Variants in ZNF714 observed in about 807,000 individuals in gnomAD.
ZNF714 encodes zinc finger protein 714.
In ZNF714, 32 loss-of-function variants were observed where a neutral mutation model predicts 46.2. The observed-to-expected ratio is 0.69, with a 90% CI of 0.52 to 0.93. The LOEUF is 0.93. ZNF714 is among the 40% of genes least tolerant of loss of function. ZNF714 has a pLI of 0.00. For missense variants in ZNF714, 635 were observed against 646.3 expected, an observed-to-expected ratio of 0.98 and a Z score of 0.19; for synonymous variants, 199 against 213.1, an observed-to-expected ratio of 0.93 and a Z score of 0.58.
rs1181482771 is a variant in ZNF714 at position 21,120,816 on chromosome 19, TTCTG to T, written c.*2486_*2489del. ...CCGCAAATAAGTTAAAGAATATTGTTTCTGTAGGTTAAATTTTTATTTTGTTTTT... is the reference window on the plus strand; with the variant it reads ...CCGCAAATAAGTTAAAGAATATTGTTTAGGTTAAATTTTTATTTTGTTTTT... On this transcript the variant is annotated 3_prime_UTR_variant, in exon 5 of 5. Coordinates refer to ENST00000456283, the MANE Select transcript of ZNF714 (RefSeq NM_182515.4). The T allele has an allele frequency of 6.6e-6, 1 of 152,188 alleles. No individual in the cohort carries two copies. Among genetic ancestry groups the T allele is most frequent in the Non-Finnish European group, 1.5e-5 (1 of 68,032 alleles). 9.4% of individuals were successfully genotyped at this position (152,188 alleles called of 1,614,324 possible).
intron 2 of ZNF714, among the ~76,000 whole-genome samples, chr19:21,087,414 A>G (rs1284189724): frequency 6.6e-6 from 1 of 152,124 alleles, no homozygotes; most frequent in East Asian, 1.9e-4. Context: ...ATAGTCAAAC[A>G]TGATTTCACA....
rs1166633166 is a variant in ZNF714, at chr19:21,116,829, A to G, written c.165A>G (p.Arg55=). The G allele has an allele frequency of 1.9e-6, 3 of 1,597,324 alleles. No individual in the cohort carries two copies. The highest frequency in any genetic ancestry group is 2.6e-6 in the Non-Finnish European group (3 of 1,175,158). ...ESPAMCSSFT[R]DLWPEQDIKD... ...CAGCTATGTGTTCTTCTTTTACCAG[A>G]GACCTTTGGCCAGAGCAAGACATAA... Residue 55 remains arginine, a synonymous_variant, in exon 5 of 5, where the codon AGA becomes AGG. Transcript: ENST00000456283.
chr19:21,090,335 A>AT (rs993647139), intron 2 of ZNF714, among the ~76,000 whole-genome samples: 5 of 152,142 alleles, frequency 3.3e-5, no homozygotes, highest in African/African-American at 7.2e-5. Context: ...GGTAGGAAAG[A>AT]TTTTTTCCAG....
chr19:21,093,728 G>A (rs1169569278), intron 2 of ZNF714, among the ~76,000 whole-genome samples: 1 of 151,960 alleles, frequency 6.6e-6, no homozygotes, highest in East Asian at 1.9e-4. Context: ...CAACCTTCCA[G>A]GCTCAAGGCA....
rs773438254 is a variant in ZNF714 at position 21,117,682 on chromosome 19, C to A, written c.1018C>A (p.Pro340Thr). The A allele has an allele frequency of 4.1e-5, 66 of 1,613,280 alleles. No homozygotes were observed. Among genetic ancestry groups the A allele is most frequent in the Non-Finnish European group, 5.5e-5 (65 of 1,179,694 alleles). Residue 340 changes from proline (P) to threonine (T), a missense_variant, in exon 5 of 5, where the codon CCC (proline) becomes ACC (threonine). By Grantham distance (38) the Pro-to-Thr change is conservative. Transcript: ENST00000456283. ...TAAAAGAATTCATACTGGAGAGAAA[C>A]CCTACAAATGTGAAGAATGTGGCAA... is the stretch of plus-strand genomic sequence containing the variant. Reference protein sequence around the residue: ...KHKRIHTGEKPYKCEECGKAF... With the variant: ...KHKRIHTGEKTYKCEECGKAF...
At chr19:21,087,222 CAAAAAAAAAAAAA>C (rs57295093) in intron 2 of ZNF714, among the ~76,000 whole-genome samples, 1 of 92,168 alleles carries the variant, frequency 1.1e-5, no homozygotes, top group Non-Finnish European at 2.0e-5. Flanking sequence ...GCAGTCTCAG[CAAAAAAAAAAAAA>C]AAAAAAAAAA....
chr19:21,099,937 C>T (rs1969134881), intron 4 of ZNF714, among the ~76,000 whole-genome samples: 1 of 152,126 alleles, frequency 6.6e-6, no homozygotes, highest in Non-Finnish European at 1.5e-5. Context: ...CTCACTGCAA[C>T]CTCCACTTTC....
chr19:21,117,475 G>GC lies in ZNF714; in HGVS notation c.814dup (p.Leu272ProfsTer5), dbSNP rs1404403201. On this transcript the variant is annotated frameshift_variant, in exon 5 of 5. Coordinates refer to ENST00000456283, the MANE Select transcript of ZNF714 (RefSeq NM_182515.4). LOFTEE classifies it high-confidence loss of function. The stretch of plus-strand genomic sequence containing the variant: ...TGGTAAAGCTTTTAACCACCCTTCA[G>GC]CCCTTACTACACATAAGTTCATTCA... 6.2e-7 allele frequency: 1 copy of GC among 1,607,398 alleles called. No individual in the cohort carries two copies. The highest frequency in any genetic ancestry group is 8.5e-7 in the Non-Finnish European group (1 of 1,177,146).
In ZNF714 at chr19:21,120,770, T is replaced by TA. The variant is rs200383268; in HGVS notation, c.*2438_*2439insA. The TA allele has an allele frequency of 1.9e-4, 29 of 151,898 alleles. 1 individual carries two copies. In the East Asian group the frequency reaches 5.6e-3, roughly 30 times the overall value. 9.4% of individuals were successfully genotyped at this position (151,898 alleles called of 1,614,324 possible). A position where few individuals can be genotyped will look rare whatever the true frequency, so the allele number is the denominator to read the frequency against. On this transcript the variant is annotated 3_prime_UTR_variant, in exon 5 of 5. Transcript: ENST00000456283. ...TAATGGATTAACATCTCTAGTAATT[T>TA]TTTTTGCCAGTGGCTTTAAACCGCA...
intron 4 of ZNF714, among the ~76,000 whole-genome samples, chr19:21,108,935 C>T (rs551368154): frequency 1.3e-5 from 2 of 152,248 alleles, no homozygotes; most frequent in East Asian, 3.9e-4. Context: ...TATACAGACA[C>T]ATATACATAT....
chr19:21,102,544 A>AT (rs1256635913), intron 4 of ZNF714, among the ~76,000 whole-genome samples: 1 of 152,206 alleles, frequency 6.6e-6, no homozygotes, highest in African/African-American at 2.4e-5. Flanking sequence ...CAGCAGTTTC[A>AT]TTTTGTGTAA....
intron 2 of ZNF714, among the ~76,000 whole-genome samples, chr19:21,087,968 G>C (rs1472012893): frequency 1.3e-5 from 2 of 152,116 alleles, no homozygotes; most frequent in Admixed American, 6.5e-5. Flanking sequence ...GAAACCCTTG[G>C]TAAGTAAAGG....
chr19:21,116,334 A>C (rs1469243962), intron 4 of ZNF714, among the ~76,000 whole-genome samples: 1 of 152,164 alleles, frequency 6.6e-6, no homozygotes, highest in Non-Finnish European at 1.5e-5. Context: ...CCCAAACTAT[A>C]ACTCCAAAAT....
intron 2 of ZNF714, among the ~76,000 whole-genome samples, 200 bp downstream of exon 2, chr19:21,084,269 A>G (rs528020978): frequency 6.6e-6 from 1 of 152,270 alleles, no homozygotes; most frequent in South Asian, 2.1e-4. Context: ...AAAAAACACA[A>G]AAAACCTGAC....
chr19:21,097,076 C>T (rs1056079710), intron 2 of ZNF714, among the ~76,000 whole-genome samples: 2 of 151,998 alleles, frequency 1.3e-5, no homozygotes, highest in East Asian at 1.9e-4. Context: ...CTGTGTTAGC[C>T]AGGATGGTCT....
intron 1 of ZNF714, 114 bp downstream of exon 1, chr19:21,082,462 C>A: frequency 9.3e-7 from 1 of 1,071,090 alleles, no homozygotes; most frequent in Non-Finnish European, 1.3e-6. Flanking sequence ...AATCTGCGCC[C>A]GGAGTTCTCC....
rs1969101729 is a variant in ZNF714, at chr19:21,098,815, G to A, written c.47G>A (p.Gly16Asp). 6.2e-7 allele frequency: 1 copy of A among 1,606,636 alleles called. No homozygotes were observed. Among genetic ancestry groups the A allele is most frequent in the South Asian group, 1.1e-5 (1 of 90,296 alleles). ...ENYKNLVFLAGIAVSKQDPIT... is the reference protein window; with the variant it reads ...ENYKNLVFLADIAVSKQDPIT... ...ATGCTATTTACTTTTAATAAAGCAGGTATTGCTGTCTCTAAGCAAGACCCG... is the reference window on the plus strand; with the variant it reads ...ATGCTATTTACTTTTAATAAAGCAGATATTGCTGTCTCTAAGCAAGACCCG... Residue 16 changes from glycine to aspartate, a missense_variant, in exon 4 of 5, where the codon GGT becomes GAT. Gly to Asp is a moderately conservative substitution (Grantham distance 94). Transcript: ENST00000456283.
At chr19:21,114,548 C>T (rs546978736) in intron 4 of ZNF714, among the ~76,000 whole-genome samples, 31 of 151,894 alleles carry the variant, frequency 2.0e-4, no homozygotes, top group African/African-American at 7.2e-4. Context: ...TCTTTTCATG[C>T]GAAGTGGGTC....
At position 21,109,266 on chromosome 19, in the gene ZNF714, T is replaced by C. The variant is rs150576839; in HGVS notation, c.143-7541T>C. Among the ~76,000 whole-genome samples, 15 of 152,342 alleles carry C rather than the reference T, an allele frequency of 9.8e-5. No individual in the cohort carries two copies. The East Asian group carries it at 2.5e-3, about 25-fold the overall frequency. On this transcript the variant is annotated intron_variant, in intron 4 of 4. Transcript: ENST00000456283. ...TAAAGTCTCACTCTGTCAACCAGGCTGGTTTGCAGTGGCATGATCATGACT... is the reference window on the plus strand; with the variant it reads ...TAAAGTCTCACTCTGTCAACCAGGCCGGTTTGCAGTGGCATGATCATGACT...
Sources: gnomAD v4.1 joint callset for allele counts (sites outside exome capture counted in the v4.1 genomes callset) on GRCh38, gnomAD v4.1.1 for gene constraint, MANE v1.5 for transcripts, NCBI Gene and HGNC (gene_info 2026-07-23, HGNC 2026-07-21) for gene names.